Variants in ADAMTS12 observed in about 807,000 individuals in gnomAD.
ADAMTS12 encodes the protein A disintegrin and metalloproteinase with thrombospondin motifs 12.
A neutral mutation model predicts 167.8 loss-of-function variants in ADAMTS12; 118 were observed. The ratio of observed to expected loss-of-function variants is 0.70; its 90% CI spans 0.61 to 0.82. The LOEUF (loss-of-function observed/expected upper bound fraction) is 0.82. Among genes scored for constraint, ADAMTS12 ranks in the 40% least tolerant of loss-of-function variants. The pLI, the probability that ADAMTS12 is intolerant of heterozygous loss-of-function variation, is 0.00. For synonymous variants in ADAMTS12, 704 were observed against 716.9 expected (o/e 0.98, Z 0.29); for missense variants, 1,916 against 1,998.8 (o/e 0.96, Z 0.79).
rs533273593 is a variant in ADAMTS12 at position 33,813,335 on chromosome 5, A to AGCACAT, written c.490-61793_490-61788dup. Reference sequence around the variant, plus strand: ...TGTATTTCTCTGATAACACAAGGTGAGCACATTTTGATGCCTATTGGTAAT... The same window carrying AGCACAT: ...TGTATTTCTCTGATAACACAAGGTGAGCACATGCACATTTTGATGCCTATTGGTAAT... On this transcript the variant is annotated intron_variant, in intron 2 of 23. Coordinates refer to ENST00000504830, the MANE Select transcript of ADAMTS12 (RefSeq NM_030955.4). Among the ~76,000 whole-genome samples, 218 of 152,364 alleles carry AGCACAT rather than the reference A, an allele frequency of 1.4e-3. 1 individual carries two copies. Among genetic ancestry groups the AGCACAT allele is most frequent in the African/African-American group, 5.1e-3 (213 of 41,590 alleles).
At chr5:33,574,680 T>C (rs1253000635) in intron 19 of ADAMTS12, among the ~76,000 whole-genome samples, 1 of 152,104 alleles carries the variant, frequency 6.6e-6, no homozygotes, top group Non-Finnish European at 1.5e-5. Context: ...CACACCAGCA[T>C]GTCACATGTA....
chr5:33,567,988 T>G (rs1435756266), intron 19 of ADAMTS12, among the ~76,000 whole-genome samples: 1 of 152,220 alleles, frequency 6.6e-6, no homozygotes, highest in East Asian at 1.9e-4. Flanking sequence ...TCTCTCAGCT[T>G]CGGTTTCCTT....
chr5:33,550,508 C>T (rs1745208789), intron 20 of ADAMTS12, among the ~76,000 whole-genome samples: 1 of 152,118 alleles, frequency 6.6e-6, no homozygotes, highest in South Asian at 2.1e-4. Flanking sequence ...AGGTTCTTCC[C>T]CAGGTTCTCC....
At chr5:33,699,336 G>C (rs894191121) in intron 3 of ADAMTS12, among the ~76,000 whole-genome samples, 1 of 151,532 alleles carries the variant, frequency 6.6e-6, no homozygotes, top group African/African-American at 2.4e-5. Flanking sequence ...CGACTAAGAT[G>C]TTATAATAAT....
rs1296902231 is a variant in ADAMTS12, at chr5:33,615,963, A to G, written c.2253T>C (p.Tyr751=). The change falls in exon 15 of 24, where the codon TAT becomes TAC. Residue 751 remains tyrosine, a synonymous_variant. Coordinates refer to ENST00000504830, the MANE Select transcript of ADAMTS12 (RefSeq NM_030955.4). The part of the protein sequence containing the change: ...LAIRSEDPEK[Y]YLNGGFIIQW... ...GGATAATAAACCCTCCATTCAGGTA[A>G]TATTTTTCAGGATCTTCACTCCTGA... 6.2e-7 allele frequency: 1 copy of G among 1,614,002 alleles called. No homozygotes were observed.
At chr5:33,645,120 G>A (rs2112180852) in intron 9 of ADAMTS12, among the ~76,000 whole-genome samples, 1 of 150,978 alleles carries the variant, frequency 6.6e-6, no homozygotes, top group East Asian at 1.9e-4. Flanking sequence ...AGGCATCCAT[G>A]GTATCTCCAG....
intron 2 of ADAMTS12, among the ~76,000 whole-genome samples, chr5:33,828,664 C>A (rs1330166358): frequency 6.6e-6 from 1 of 152,172 alleles, no homozygotes; most frequent in Non-Finnish European, 1.5e-5. Flanking sequence ...ATGAGACCCT[C>A]TAGTTTTATT....
chr5:33,534,914 G>GGTCT lies in ADAMTS12; in HGVS notation c.4521_4524dup (p.Gln1509ArgfsTer8), dbSNP rs760101504. On this transcript the variant is annotated frameshift_variant, in exon 23 of 24. Coordinates refer to ENST00000504830, the MANE Select transcript of ADAMTS12 (RefSeq NM_030955.4). LOFTEE classifies it high-confidence loss of function. ...TTGTGATCACATAGACATTGGTCTT[G>GGTCT]GTCTTCAGTTTTATTGCCCTCTGAG... 6.2e-7 allele frequency: 1 copy of GGTCT among 1,613,902 alleles called. No individual in the cohort carries two copies.
At chr5:33,809,983 G>GAAAAAA (rs202032209) in intron 2 of ADAMTS12, among the ~76,000 whole-genome samples, 3 of 118,094 alleles carry the variant, frequency 2.5e-5, no homozygotes, top group Non-Finnish European at 5.2e-5. Flanking sequence ...AAGTTTAACA[G>GAAAAAA]AAAAAAAAAA....
rs1347974343 is a variant in ADAMTS12, at chr5:33,526,318, G to A, written c.*870C>T. 3 of 152,192 alleles carry A rather than the reference G, an allele frequency of 2.0e-5. No homozygotes were observed. The highest frequency in any genetic ancestry group is 4.4e-5 in the Non-Finnish European group (3 of 68,076). 9.4% of individuals were successfully genotyped at this position (152,192 alleles called of 1,614,324 possible). On this transcript the variant is annotated 3_prime_UTR_variant, in exon 24 of 24. Coordinates refer to ENST00000504830, the MANE Select transcript of ADAMTS12 (RefSeq NM_030955.4). Reference sequence around the variant, plus strand: ...TCCTGTGGGGACTGGAGGATGGGAGGAAGTCAGCCAGGAAGACACATTTTC... The same window carrying A: ...TCCTGTGGGGACTGGAGGATGGGAGAAAGTCAGCCAGGAAGACACATTTTC...
chr5:33,571,291 A>G (rs1746329759), intron 19 of ADAMTS12, among the ~76,000 whole-genome samples: 1 of 152,190 alleles, frequency 6.6e-6, no homozygotes, highest in Non-Finnish European at 1.5e-5. Context: ...AACAGAATAT[A>G]CATTTTTTTC....
chr5:33,724,932 T>C (rs960577539), intron 3 of ADAMTS12, among the ~76,000 whole-genome samples: 11 of 152,288 alleles, frequency 7.2e-5, no homozygotes, highest in African/African-American at 2.6e-4. Context: ...CCAAAAACTC[T>C]TTCCAATCTC....
At chr5:33,812,904 A>G (rs1358793666) in intron 2 of ADAMTS12, among the ~76,000 whole-genome samples, 3 of 152,180 alleles carry the variant, frequency 2.0e-5, no homozygotes, top group Non-Finnish European at 2.9e-5. Flanking sequence ...ACATATGTCT[A>G]ATGCATCTTT....
intron 2 of ADAMTS12, among the ~76,000 whole-genome samples, chr5:33,876,047 T>C (rs567583229): frequency 2.6e-4 from 40 of 152,232 alleles, no homozygotes; most frequent in Admixed American, 2.2e-3. Flanking sequence ...AAATTAAAAA[T>C]ATAAGGACTT....
In ADAMTS12 at chr5:33,523,918, G is replaced by A. The variant is rs139704199; in HGVS notation, c.*3270C>T. The A allele has an allele frequency of 6.6e-6, 1 of 152,318 alleles. No homozygotes were observed. Among genetic ancestry groups the A allele is most frequent in the Non-Finnish European group, 1.5e-5 (1 of 68,032 alleles). The allele number at this position is 152,318 out of a possible 1,614,324, so 9.4% of individuals were successfully genotyped here. On this transcript the variant is annotated 3_prime_UTR_variant, in exon 24 of 24. Coordinates refer to ENST00000504830, the MANE Select transcript of ADAMTS12 (RefSeq NM_030955.4). ...CAAGCACCAGAAACATCGTCCCAAAGATTCATCTTGAAGTCAGAAAGGAGA... is the reference window on the plus strand; with the variant it reads ...CAAGCACCAGAAACATCGTCCCAAAAATTCATCTTGAAGTCAGAAAGGAGA...
At chr5:33,547,171 C>T (rs1745025708) in intron 21 of ADAMTS12, among the ~76,000 whole-genome samples, 1 of 152,162 alleles carries the variant, frequency 6.6e-6, no homozygotes, top group African/African-American at 2.4e-5. Context: ...TGCATACCTA[C>T]CTATGTGCAC....
intron 2 of ADAMTS12, among the ~76,000 whole-genome samples, chr5:33,833,899 T>A (rs778745861): frequency 6.6e-6 from 1 of 152,222 alleles, no homozygotes; most frequent in Non-Finnish European, 1.5e-5. Flanking sequence ...TGGGGCTACA[T>A]TAGTTTGCTA....
At chr5:33,889,169 C>T (rs892261178) in intron 1 of ADAMTS12, among the ~76,000 whole-genome samples, 11 of 152,076 alleles carry the variant, frequency 7.2e-5, no homozygotes, top group South Asian at 2.1e-4. Context: ...AAAATGGGGG[C>T]GAGGCATGAT....
chr5:33,530,129 T>G (rs1471286243), intron 23 of ADAMTS12, among the ~76,000 whole-genome samples: 2 of 152,102 alleles, frequency 1.3e-5, no homozygotes, highest in South Asian at 2.1e-4. Flanking sequence ...TTTCACCATG[T>G]TGGTCAGGCT....
Sources: gnomAD v4.1 joint callset for allele counts (sites outside exome capture counted in the v4.1 genomes callset) on GRCh38, gnomAD v4.1.1 for gene constraint, MANE v1.5 for transcripts, NCBI Gene and HGNC (gene_info 2026-07-23, HGNC 2026-07-21) for gene names.